RFTN2: variants seen among roughly 807,000 people sequenced by gnomAD.
RFTN2 encodes raftlin-2.
A neutral mutation model predicts 52.7 loss-of-function variants in RFTN2; 34 were observed. The ratio of observed to expected loss-of-function variants is 0.64; its 90% CI spans 0.49 to 0.86. The LOEUF is 0.86. Among genes scored for constraint, RFTN2 ranks in the 40% least tolerant of loss-of-function variants. The pLI, the probability that RFTN2 is intolerant of heterozygous loss-of-function variation, is 0.00. For synonymous variants in RFTN2, 203 were observed against 217.7 expected (o/e 0.93, Z 0.59); for missense variants, 536 against 600.1 (o/e 0.89, Z 1.12).
rs917802507 is a variant in RFTN2 at position 197,655,773 on chromosome 2, G to T, written c.140-9107C>A. On this transcript the variant is annotated intron_variant, in intron 1 of 8. Coordinates refer to ENST00000295049, the MANE Select transcript of RFTN2 (RefSeq NM_144629.3). ...TAGGAGGTGGAGGTTGAAGTGAGCC[G>T]ATACCACACCACTGCACTCCAGCCT... is the stretch of plus-strand genomic sequence containing the variant. Among the ~76,000 whole-genome samples, 5 of 151,870 alleles carry T rather than the reference G, an allele frequency of 3.3e-5. No homozygotes were observed. The South Asian group carries it at 8.3e-4, about 25-fold the overall frequency.
chr2:197,571,903 A>G lies in RFTN2; in HGVS notation c.*105T>C. 1 of 1,281,482 alleles carries G rather than the reference A, an allele frequency of 7.8e-7. No individual in the cohort carries two copies. Among genetic ancestry groups the G allele is most frequent in the South Asian group, 1.5e-5 (1 of 68,524 alleles). 79.4% of individuals were successfully genotyped at this position (1,281,482 alleles called of 1,614,324 possible). On this transcript the variant is annotated 3_prime_UTR_variant, in exon 9 of 9. Coordinates refer to ENST00000295049, the MANE Select transcript of RFTN2 (RefSeq NM_144629.3). ...ATTAGAGGAAAGGCTGGGTCTGGAA[A>G]AATTCAAAAATATTACATAAATGCA...
At chr2:197,671,987 A>G (rs1451888653) in intron 1 of RFTN2, among the ~76,000 whole-genome samples, 1 of 152,220 alleles carries the variant, frequency 6.6e-6, no homozygotes, top group African/African-American at 2.4e-5. Context: ...ATACTCATAT[A>G]CATACATCAT....
intron 5 of RFTN2, among the ~76,000 whole-genome samples, chr2:197,618,871 G>T (rs2088200137): frequency 6.6e-6 from 1 of 151,610 alleles, no homozygotes; most frequent in Non-Finnish European, 1.5e-5. Flanking sequence ...TCTGAGAAGT[G>T]AGGAGCCCCT....
At chr2:197,651,837 T>G (rs973155947) in intron 1 of RFTN2, among the ~76,000 whole-genome samples, 2 of 152,210 alleles carry the variant, frequency 1.3e-5, no homozygotes, top group African/African-American at 4.8e-5. Flanking sequence ...TTTGATACTT[T>G]CCTGGCAGTT....
At chr2:197,655,425 A>G (rs2106261055) in intron 1 of RFTN2, among the ~76,000 whole-genome samples, 1 of 152,328 alleles carries the variant, frequency 6.6e-6, no homozygotes, top group Middle Eastern at 3.4e-3. Context: ...ACACACACAC[A>G]TAAAAGTTTC....
intron 5 of RFTN2, among the ~76,000 whole-genome samples, chr2:197,626,368 C>A (rs2088358846): frequency 6.6e-6 from 1 of 151,832 alleles, no homozygotes; most frequent in Non-Finnish European, 1.5e-5. Context: ...GAGTTTGAGA[C>A]CAACCTGGGC....
intron 8 of RFTN2, chr2:197,588,076 A>C (rs1247836554): frequency 2.2e-6 from 1 of 456,884 alleles, no homozygotes; most frequent in African/African-American, 2.0e-5. Context: ...CCTAAATAAA[A>C]ATTTCATTCA....
chr2:197,617,272 G>A (rs752585294), intron 6 of RFTN2, among the ~76,000 whole-genome samples: 72 of 152,122 alleles, frequency 4.7e-4, no homozygotes, highest in Non-Finnish European at 7.8e-4. Flanking sequence ...TAAAATTTTT[G>A]GGAACTTACT....
rs192479920 is a variant in RFTN2, at chr2:197,611,480, C to T, written c.1154+4396G>A. Among the ~76,000 whole-genome samples the T allele has an allele frequency of 1.3e-3, 201 of 151,872 alleles. 1 individual carries two copies. The highest frequency in any genetic ancestry group is 4.5e-3 in the African/African-American group (186 of 41,452). On this transcript the variant is annotated intron_variant, in intron 7 of 8. Transcript: ENST00000295049. ...GATATCCCCTTTATCATTTTTATTG[C>T]GTCTATTTGATTCTTCTCTCTTTTC...
At chr2:197,673,176 A>G (rs1287178639) in intron 1 of RFTN2, among the ~76,000 whole-genome samples, 2 of 152,162 alleles carry the variant, frequency 1.3e-5, no homozygotes, top group African/African-American at 2.4e-5. Flanking sequence ...AAGGTTGCTC[A>G]TTCCATGGTG....
intron 6 of RFTN2, among the ~76,000 whole-genome samples, chr2:197,617,294 A>G (rs1481764517): frequency 6.6e-6 from 1 of 152,242 alleles, no homozygotes; most frequent in Non-Finnish European, 1.5e-5. Context: ...CTGCTTATGC[A>G]TAGTTAATTA....
intron 5 of RFTN2, among the ~76,000 whole-genome samples, chr2:197,618,803 T>G (rs1202334610): frequency 6.7e-6 from 1 of 148,766 alleles, no homozygotes; most frequent in Non-Finnish European, 1.5e-5. Flanking sequence ...GGAGACCTTC[T>G]GCCTGGCAAC....
intron 4 of RFTN2, 23 bp from the exon 5 acceptor site, chr2:197,631,243 AAG>A (rs764550565): frequency 3.3e-6 from 5 of 1,531,026 alleles, no homozygotes; most frequent in Non-Finnish European, 3.6e-6. Context: ...AAGGAGAAAA[AAG>A]GGGAAAATTA....
intron 8 of RFTN2, among the ~76,000 whole-genome samples, chr2:197,594,707 T>C (rs980569370): frequency 6.6e-6 from 1 of 152,196 alleles, no homozygotes; most frequent in Non-Finnish European, 1.5e-5. Context: ...TGCTCACTTG[T>C]GGGCTTTAAT....
Position 197,633,723 on chromosome 2 carries a change from C to T in RFTN2, c.713G>A (p.Gly238Glu), listed in dbSNP as rs760682216. ...CTACTAATCTTGTCTATTACCTTCT[C>T]CCTTTCTTGATTTAGAGGAAGTAGG... ...GSPTSSKSRK[G>E]EASDNKLYTV... is the part of the protein sequence containing the mutation. Residue 238 changes from glycine to glutamate, a missense_variant, in exon 4 of 9, where the codon GGA (glycine) becomes GAA (glutamate). Coordinates refer to ENST00000295049, the MANE Select transcript of RFTN2 (RefSeq NM_144629.3). The T allele has an allele frequency of 1.2e-6, 2 of 1,612,546 alleles. No individual in the cohort carries two copies. Among genetic ancestry groups the T allele is most frequent in the South Asian group, 1.1e-5 (1 of 91,000 alleles).
At chr2:197,637,440 G>T (rs1034368014) in intron 3 of RFTN2, among the ~76,000 whole-genome samples, 1 of 151,774 alleles carries the variant, frequency 6.6e-6, no homozygotes, top group African/African-American at 2.4e-5. Context: ...TCTATTCAGA[G>T]ATTCAACTTC....
At chr2:197,604,774 ATTTT>A (rs1163255520) in intron 7 of RFTN2, among the ~76,000 whole-genome samples, 63 of 150,692 alleles carry the variant, frequency 4.2e-4, no homozygotes, top group Admixed American at 1.9e-3. Flanking sequence ...TTATTTATTT[ATTTT>A]GAGACAGAGC....
chr2:197,627,173 C>T (rs2088378622), intron 5 of RFTN2, among the ~76,000 whole-genome samples: 2 of 152,114 alleles, frequency 1.3e-5, no homozygotes, highest in Non-Finnish European at 2.9e-5. Flanking sequence ...GGTCTTTGTA[C>T]ATTTAGATGT....
At chr2:197,663,664 A>T (rs2106269200) in intron 1 of RFTN2, among the ~76,000 whole-genome samples, 1 of 152,190 alleles carries the variant, frequency 6.6e-6, no homozygotes, top group African/African-American at 2.4e-5. Flanking sequence ...TGTGGTTATC[A>T]GTTGTAATGT....
Sources: allele counts gnomAD v4.1 joint callset (sites outside exome capture counted in the v4.1 genomes callset), GRCh38; gene constraint gnomAD v4.1.1; transcripts MANE v1.5; gene names NCBI Gene and HGNC (gene_info 2026-07-23, HGNC 2026-07-21).